The following KMO variants were observed in gnomAD, a reference collection of about 807,000 sequenced individuals.
The protein encoded by KMO is kynurenine 3-monooxygenase.
In KMO, 24 loss-of-function variants were observed where a neutral mutation model predicts 57.8. The observed-to-expected ratio is 0.42, with a 90% CI of 0.30 to 0.58. KMO has a LOEUF of 0.58. Among genes scored for constraint, KMO ranks in the 20% least tolerant of loss-of-function variants. The pLI, the probability that KMO is intolerant of heterozygous loss-of-function variation, is 0.22. For synonymous variants in KMO, 210 were observed against 193.6 expected (o/e 1.08, Z -0.70); for missense variants, 483 against 588.2 (o/e 0.82, Z 1.85).
In KMO at chr1:241,590,251, T is replaced by C. The variant is rs746973697; in HGVS notation, c.1248T>C (p.His416=). ...IRYHEAVQRW[H]WQKKVINKGL... ...ACCATGAGGCTGTGCAGCGTTGGCA[T>C]TGGCAAAAAAAGGTTGGAACAGTTA... The change falls in exon 14 of 15, where the codon CAT becomes CAC. Residue 416 remains histidine, a synonymous_variant. Transcript: ENST00000366559. 4 of 1,613,112 alleles carry C rather than the reference T, an allele frequency of 2.5e-6. No individual in the cohort carries two copies. Among genetic ancestry groups the C allele is most frequent in the Non-Finnish European group, 3.4e-6 (4 of 1,179,462 alleles).
chr1:241,587,343 GC>G (rs1006353766), intron 11 of KMO, among the ~76,000 whole-genome samples: 29 of 152,188 alleles, frequency 1.9e-4, no homozygotes, highest in African/African-American at 6.8e-4. Context: ...CTCACATCCT[GC>G]TGTGCGGCCC....
chr1:241,545,687 G>C (rs1181302458), intron 1 of KMO, among the ~76,000 whole-genome samples: 2 of 152,146 alleles, frequency 1.3e-5, no homozygotes, highest in African/African-American at 4.8e-5. Context: ...TTGAACATAT[G>C]AAGTTGGAAG....
chr1:241,561,310 A>G (rs1195187817), intron 6 of KMO, among the ~76,000 whole-genome samples: 1 of 152,170 alleles, frequency 6.6e-6, no homozygotes, highest in Non-Finnish European at 1.5e-5. Flanking sequence ...CCATTATCTC[A>G]AACATATCTA....
chr1:241,558,186 T>A (rs1661709539), intron 5 of KMO, among the ~76,000 whole-genome samples: 1 of 152,218 alleles, frequency 6.6e-6, no homozygotes, highest in Admixed American at 6.5e-5. Flanking sequence ...ATATAAAACA[T>A]CTGCTAATAC....
In KMO at chr1:241,586,829, T is replaced by G. The variant is rs1663011410; in HGVS notation, c.1015+93T>G. On this transcript the variant is annotated intron_variant, in intron 11 of 14. Coordinates refer to ENST00000366559, the MANE Select transcript of KMO (RefSeq NM_003679.5). ...ATCCTCAATGATCACAAACCTGTGA[T>G]GTATAATGTATATTATCTCCCCAGG... 4.7e-6 allele frequency: 4 copies of G among 842,416 alleles called. No individual in the cohort carries two copies. In the East Asian group the frequency reaches 9.9e-5, roughly 21 times the overall value. 52.2% of individuals were successfully genotyped at this position (842,416 alleles called of 1,614,324 possible).
rs377357199 is a variant in KMO at position 241,549,681 on chromosome 1, T to C, written c.129T>C (p.Thr43=). The C allele has an allele frequency of 2.5e-5, 40 of 1,609,818 alleles. No individual in the cohort carries two copies. In the African/African-American group the frequency reaches 4.5e-4, roughly 18 times the overall value. Residue 43 remains threonine, a synonymous_variant, in exon 3 of 15, where the codon ACT becomes ACC. Transcript: ENST00000366559. ...AGTCTGCTTCCAATGTCTCAGATAC[T>C]CGAGTGGCTACCTTCACACGTGGAA... ...QIDVYEARED[T]RVATFTRGRS...
At chr1:241,555,818 T>TAGCTC in intron 5 of KMO, 158 bp downstream of exon 5, 1 of 494,458 alleles carries the variant, frequency 2.0e-6, no homozygotes, top group Non-Finnish European at 3.6e-6. Context: ...CTAGGTCTGA[T>TAGCTC]AGCTCATGCC....
At chr1:241,588,649 C>A (rs548063663) in intron 11 of KMO, 99 bp from the exon 12 acceptor site, 1 of 724,492 alleles carries the variant, frequency 1.4e-6, no homozygotes, top group South Asian at 1.8e-5. Flanking sequence ...AAAAAATTAG[C>A]GAGAGCATTG....
At chr1:241,549,260 A>AGAAG in intron 2 of KMO, among the ~76,000 whole-genome samples, 1 of 139,038 alleles carries the variant, frequency 7.2e-6, no homozygotes, top group African/African-American at 2.7e-5. Context: ...AAAGAAAGAA[A>AGAAG]GAAAGAAAGG....
chr1:241,555,837 C>T, intron 5 of KMO, 177 bp downstream of exon 5: 1 of 453,268 alleles, frequency 2.2e-6, no homozygotes, highest in Non-Finnish European at 4.0e-6. Flanking sequence ...CCTGTAATCC[C>T]AGCACTCTGA....
Position 241,564,974 on chromosome 1 carries a change from CT to C in KMO, c.616-7del. On this transcript the variant is annotated splice_polypyrimidine_tract_variant and intron_variant, in intron 7 of 14. Transcript: ENST00000366559. Reference sequence around the variant, plus strand: ...TGAATGCACTAATCAATCATATATTCTTTTTTCTGCAGTATGCCATGGAACC... The same window carrying C: ...TGAATGCACTAATCAATCATATATTCTTTTTCTGCAGTATGCCATGGAACC... 6.4e-7 allele frequency: 1 copy of C among 1,568,304 alleles called. No individual in the cohort carries two copies. The highest frequency in any genetic ancestry group is 8.8e-7 in the Non-Finnish European group (1 of 1,139,712).
chr1:241,549,198 A>AAAGG (rs200533831), intron 2 of KMO, among the ~76,000 whole-genome samples: 16,060 of 119,232 alleles, frequency 0.13, 1,537 homozygotes, highest in Non-Finnish European at 0.17. Context: ...GAGAGAAAGA[A>AAAGG]AAGGAAGAAA....
intron 7 of KMO, among the ~76,000 whole-genome samples, chr1:241,562,859 GA>G (rs1388441187): frequency 1.0e-5 from 1 of 95,888 alleles, no homozygotes; most frequent in African/African-American, 3.9e-5. Context: ...AGGAAGGAAG[GA>G]AAGAAGGAAG....
intron 10 of KMO, among the ~76,000 whole-genome samples, chr1:241,576,717 A>C (rs1005712858): frequency 6.9e-6 from 1 of 144,842 alleles, no homozygotes; most frequent in African/African-American, 2.5e-5. Context: ...GCTTGATAAC[A>C]TACACCTTGG....
intron 4 of KMO, among the ~76,000 whole-genome samples, chr1:241,552,701 T>C (rs1661453720): frequency 6.6e-6 from 1 of 152,166 alleles, no homozygotes; most frequent in Non-Finnish European, 1.5e-5. Context: ...AGAGACCTCG[T>C]TGTGGATGGC....
intron 10 of KMO, among the ~76,000 whole-genome samples, chr1:241,570,295 G>A (rs1662226141): frequency 6.6e-6 from 1 of 151,892 alleles, no homozygotes; most frequent in Admixed American, 6.6e-5. Context: ...AGGTCTATGT[G>A]TCTGTTTTTT....
chr1:241,556,185 G>A (rs1661616260), intron 5 of KMO, among the ~76,000 whole-genome samples: 1 of 152,114 alleles, frequency 6.6e-6, no homozygotes, highest in African/African-American at 2.4e-5. Flanking sequence ...CCAGACTGAT[G>A]TGCCATGGTG....
At chr1:241,577,167 GTTTT>G (rs1662553613) in intron 10 of KMO, among the ~76,000 whole-genome samples, 1 of 151,856 alleles carries the variant, frequency 6.6e-6, no homozygotes, top group Non-Finnish European at 1.5e-5. Flanking sequence ...TCTTCATGTT[GTTTT>G]TCACCTTTCT....
chr1:241,559,355 G>A (rs1420667987), intron 5 of KMO, among the ~76,000 whole-genome samples: 1 of 152,098 alleles, frequency 6.6e-6, no homozygotes. Flanking sequence ...CAATGGAACA[G>A]TTTTTTTAGG....
Sources: gnomAD v4.1 joint callset for allele counts (sites outside exome capture counted in the v4.1 genomes callset) on GRCh38, gnomAD v4.1.1 for gene constraint, MANE v1.5 for transcripts, NCBI Gene and HGNC (gene_info 2026-07-23, HGNC 2026-07-21) for gene names.